The following TMC1 variants were observed in gnomAD, a reference collection of about 807,000 sequenced individuals.
TMC1 encodes transmembrane channel like 1, also known as transmembrane channel-like protein 1.
A neutral mutation model predicts 105.8 loss-of-function variants in TMC1; 84 were observed. The ratio of observed to expected loss-of-function variants is 0.79; its 90% confidence interval spans 0.67 to 0.95. The LOEUF (loss-of-function observed/expected upper bound fraction) is 0.95, where lower values mean the gene tolerates loss of function less well. TMC1 is among the 40% of genes least tolerant of loss of function. The pLI is 0.00. For missense variants in TMC1, 817 were observed against 914.1 expected (o/e 0.89, Z 1.37); for synonymous variants, 315 against 311.5 (o/e 1.01, Z -0.12).
At chr9:72,806,479 G>A (rs1828591346) in intron 18 of TMC1, among the ~76,000 whole-genome samples, 1 of 151,418 alleles carries the variant, frequency 6.6e-6, no homozygotes, top group African/African-American at 2.4e-5. Flanking sequence ...TGGCTGCCGG[G>A]CGGAGAGGCT....
intron 3 of TMC1, among the ~76,000 whole-genome samples, chr9:72,623,575 T>C (rs1167234526): frequency 1.3e-5 from 2 of 152,140 alleles, no homozygotes; most frequent in Non-Finnish European, 2.9e-5. Context: ...GCACAAACTT[T>C]TATGGTCATT....
intron 8 of TMC1, among the ~76,000 whole-genome samples, chr9:72,715,896 ATTTATC>A (rs1826909198): frequency 6.6e-6 from 1 of 151,996 alleles, no homozygotes; most frequent in Non-Finnish European, 1.5e-5. Context: ...ATCTTCGTGG[ATTTATC>A]TACCTTTGGT....
At chr9:72,771,811 A>G (rs1487811504) in intron 12 of TMC1, among the ~76,000 whole-genome samples, 1 of 152,200 alleles carries the variant, frequency 6.6e-6, no homozygotes, top group East Asian at 1.9e-4. Context: ...ACCCTGGCAG[A>G]TAATTTTTAG....
intron 8 of TMC1, among the ~76,000 whole-genome samples, chr9:72,739,434 G>A (rs533226785): frequency 6.6e-6 from 1 of 152,322 alleles, no homozygotes; most frequent in Non-Finnish European, 1.5e-5. Flanking sequence ...TAGCATGCTT[G>A]CATTATGTTT....
At chr9:72,657,774 A>C (rs1825906573) in intron 5 of TMC1, among the ~76,000 whole-genome samples, 1 of 152,200 alleles carries the variant, frequency 6.6e-6, no homozygotes, top group Non-Finnish European at 1.5e-5. Context: ...TTACAATGAG[A>C]CAAAATTAAA....
At chr9:72,824,773 AG>A (rs1426451576) in intron 20 of TMC1, among the ~76,000 whole-genome samples, 1 of 152,212 alleles carries the variant, frequency 6.6e-6, no homozygotes, top group Non-Finnish European at 1.5e-5. Context: ...AAATAGGTGA[AG>A]GGTGGGGATG....
intron 5 of TMC1, among the ~76,000 whole-genome samples, chr9:72,654,229 T>G (rs1416148342): frequency 6.6e-6 from 1 of 152,238 alleles, no homozygotes; most frequent in Non-Finnish European, 1.5e-5. Context: ...TCACCAGCAG[T>G]GTATGAGATT....
At chr9:72,656,570 C>A (rs1216451680) in intron 5 of TMC1, among the ~76,000 whole-genome samples, 1 of 152,098 alleles carries the variant, frequency 6.6e-6, no homozygotes, top group Non-Finnish European at 1.5e-5. Flanking sequence ...TTACTTCTAT[C>A]ATCTATGAAA....
intron 2 of TMC1, among the ~76,000 whole-genome samples, chr9:72,594,872 T>TTC (rs1824694045): frequency 8.0e-5 from 7 of 87,166 alleles, no homozygotes; most frequent in South Asian, 3.3e-4. Context: ...TCTTCTTCTT[T>TTC]TTTTTTTTTT....
At chr9:72,688,185 G>T (rs561787995) in intron 5 of TMC1, among the ~76,000 whole-genome samples, 12 of 151,984 alleles carry the variant, frequency 7.9e-5, no homozygotes, top group African/African-American at 2.9e-4. Flanking sequence ...AATATAATAC[G>T]TATAAAAATA....
chr9:72,681,280 C>T (rs1197578136), intron 5 of TMC1, among the ~76,000 whole-genome samples: 1 of 152,102 alleles, frequency 6.6e-6, no homozygotes, highest in African/African-American at 2.4e-5. Context: ...TGTTCCCTCC[C>T]TCAAACAATC....
intron 5 of TMC1, among the ~76,000 whole-genome samples, chr9:72,674,960 C>T (rs1826179287): frequency 6.6e-6 from 1 of 152,184 alleles, no homozygotes; most frequent in Non-Finnish European, 1.5e-5. Context: ...TTACCAAGCT[C>T]ACACAGTTGA....
rs879459521 is a variant in TMC1, at chr9:72,755,112, G to GAGAA, written c.741+250_741+253dup. On this transcript the variant is annotated intron_variant, in intron 12 of 23. Transcript: ENST00000297784. ...AGAGAGAGAGAAAGAAAGAAAGAAAGAGAAAGAAAGAAAGAAAGAAAGAAA... is the reference window on the plus strand; with the variant it reads ...AGAGAGAGAGAAAGAAAGAAAGAAAGAGAAAGAAAGAAAGAAAGAAAGAAAGAAA... Among the ~76,000 whole-genome samples the GAGAA allele has an allele frequency of 1.2e-3, 177 of 150,816 alleles. 1 individual carries two copies. The highest frequency in any genetic ancestry group is 3.5e-3 in the Middle Eastern group (1 of 286).
At chr9:72,745,527 GATTT>G (rs930487357) in intron 10 of TMC1, among the ~76,000 whole-genome samples, 20 of 152,152 alleles carry the variant, frequency 1.3e-4, no homozygotes, top group African/African-American at 4.6e-4. Context: ...TTTAGTGAGT[GATTT>G]ATTTAATTAT....
chr9:72,601,195 G>C (rs7856302), intron 2 of TMC1, among the ~76,000 whole-genome samples: 32,982 of 92,746 alleles, frequency 0.36, 3,753 homozygotes, highest in African/African-American at 0.42. Context: ...CACACACACA[G>C]ACACACACAC....
intron 1 of TMC1, among the ~76,000 whole-genome samples, chr9:72,561,427 CA>C (rs1824049939): frequency 6.6e-6 from 1 of 151,552 alleles, no homozygotes; most frequent in African/African-American, 2.4e-5. Context: ...GTGTAGGAAC[CA>C]AAACTATGCA....
intron 19 of TMC1, 91 bp downstream of exon 19, chr9:72,816,301 T>C (rs1244044194): frequency 7.9e-7 from 1 of 1,264,254 alleles, no homozygotes; most frequent in African/African-American, 1.5e-5. Context: ...TAGAGGAGAA[T>C]ACAATCGGTG....
chr9:72,646,609 C>A (rs1040527882), intron 4 of TMC1, among the ~76,000 whole-genome samples: 4 of 151,410 alleles, frequency 2.6e-5, no homozygotes, highest in African/African-American at 7.3e-5. Flanking sequence ...GGGTTATGGG[C>A]CATTTTATTT....
intron 2 of TMC1, among the ~76,000 whole-genome samples, chr9:72,592,412 C>T (rs916666045): frequency 6.6e-6 from 1 of 152,152 alleles, no homozygotes; most frequent in Non-Finnish European, 1.5e-5. Context: ...TTACTCTTAT[C>T]ATTGGTGTCA....
Sources: allele counts gnomAD v4.1 joint callset (sites outside exome capture counted in the v4.1 genomes callset), GRCh38; gene constraint gnomAD v4.1.1; transcripts MANE v1.5; gene names NCBI Gene and HGNC (gene_info 2026-07-23, HGNC 2026-07-21).